Variants in FRMD4B observed in about 807,000 individuals in gnomAD.
The protein encoded by FRMD4B is FERM domain containing 4B.
In FRMD4B, 74 loss-of-function variants were observed where a neutral mutation model predicts 141.5. The observed-to-expected ratio is 0.52, with a 90% confidence interval of 0.43 to 0.63. The LOEUF (loss-of-function observed/expected upper bound fraction) is 0.63, where lower values mean the gene tolerates loss of function less well. Among genes scored for constraint, FRMD4B ranks in the 30% least tolerant of loss-of-function variants. The pLI is 0.00. For missense variants in FRMD4B, 1,366 were observed against 1,253.4 expected, an observed-to-expected ratio of 1.09 and a Z score of -1.36; for synonymous variants, 506 against 467.9, an observed-to-expected ratio of 1.08 and a Z score of -1.05.
At chr3:69,496,221 C>T (rs898467740) in intron 1 of FRMD4B, among the ~76,000 whole-genome samples, 4 of 152,244 alleles carry the variant, frequency 2.6e-5, no homozygotes, top group Admixed American at 2.0e-4. Flanking sequence ...ATCTGTCTGA[C>T]TATTTATGCA....
At position 69,218,412 on chromosome 3, in the gene FRMD4B, T is replaced by G. The variant is rs377579058; in HGVS notation, c.732-33A>C. The G allele has an allele frequency of 6.4e-4, 653 of 1,012,816 alleles. 8 individuals are homozygous for G. Among genetic ancestry groups the G allele is most frequent in the South Asian group, 3.8e-3 (265 of 69,390 alleles). 62.7% of individuals were successfully genotyped at this position (1,012,816 alleles called of 1,614,324 possible). ...AAATAAATATGTATCACAATCTTAT[T>G]AAAATAGTTAGAGGACCCTTTTGGG... On this transcript the variant is annotated intron_variant, in intron 9 of 22. Coordinates refer to ENST00000398540, the MANE Select transcript of FRMD4B (RefSeq NM_015123.3).
exon 1 of FRMD4B, chr3:69,542,579 T>A (rs1238352612): frequency 6.6e-6 from 1 of 152,448 alleles, no homozygotes; most frequent in Non-Finnish European, 1.5e-5. Context: ...CTGCCTCCTC[T>A]CGCTGTCAGC....
At chr3:69,195,617 G>A (rs189688154) in intron 14 of FRMD4B, among the ~76,000 whole-genome samples, 10 of 152,150 alleles carry the variant, frequency 6.6e-5, no homozygotes, top group Non-Finnish European at 5.9e-5. Context: ...AATGCTTAAC[G>A]TCCCAGACAC....
At chr3:69,523,309 T>G (rs1300999129) in intron 1 of FRMD4B, among the ~76,000 whole-genome samples, 1 of 152,162 alleles carries the variant, frequency 6.6e-6, no homozygotes. Flanking sequence ...CTTTAAGCCT[T>G]GAAAGCTATT....
intron 1 of FRMD4B, among the ~76,000 whole-genome samples, chr3:69,478,232 CT>C (rs1706038025): frequency 6.6e-6 from 1 of 151,996 alleles, no homozygotes; most frequent in Admixed American, 6.6e-5. Flanking sequence ...TTAGTTATTT[CT>C]TGCCTTCTGC....
chr3:69,458,898 C>T (rs927190742), intron 1 of FRMD4B, among the ~76,000 whole-genome samples: 8 of 150,188 alleles, frequency 5.3e-5, no homozygotes, highest in Non-Finnish European at 1.2e-4. Flanking sequence ...TCCAAAGACC[C>T]ACCACTTCGG....
intron 11 of FRMD4B, among the ~76,000 whole-genome samples, chr3:69,200,180 G>A (rs1458911147): frequency 1.3e-5 from 2 of 152,050 alleles, no homozygotes; most frequent in African/African-American, 4.8e-5. Flanking sequence ...GGAACAAAAT[G>A]AGCTGAAGGT....
At chr3:69,300,845 T>C (rs758297653) in intron 4 of FRMD4B, among the ~76,000 whole-genome samples, 2 of 152,110 alleles carry the variant, frequency 1.3e-5, no homozygotes, top group African/African-American at 2.4e-5. Context: ...TTCAAGCTAT[T>C]CTGCCTCAGC....
chr3:69,229,503 G>A (rs947106362), intron 7 of FRMD4B, among the ~76,000 whole-genome samples: 18 of 152,220 alleles, frequency 1.2e-4, no homozygotes, highest in African/African-American at 2.4e-4. Context: ...AGCCATCACC[G>A]ATATTTGAAG....
chr3:69,379,877 T>C (rs952543985), intron 1 of FRMD4B, among the ~76,000 whole-genome samples: 1 of 152,224 alleles, frequency 6.6e-6, no homozygotes, highest in Non-Finnish European at 1.5e-5. Flanking sequence ...CCAACAAAAC[T>C]TTATTTACAA....
At chr3:69,366,372 T>C (rs1053292655) in intron 1 of FRMD4B, among the ~76,000 whole-genome samples, 2 of 152,202 alleles carry the variant, frequency 1.3e-5, no homozygotes, top group African/African-American at 4.8e-5. Context: ...TACCATTGAA[T>C]ATACAACACT....
intron 4 of FRMD4B, among the ~76,000 whole-genome samples, chr3:69,290,193 G>A (rs1700825592): frequency 6.6e-6 from 1 of 152,210 alleles, no homozygotes; most frequent in Admixed American, 6.5e-5. Context: ...GAGGTGGCCT[G>A]GAAAGGAGCA....
chr3:69,181,231 C>G lies in FRMD4B; in HGVS notation c.2519G>C (p.Arg840Pro). The stretch of plus-strand genomic sequence containing the variant: ...CTCATATCCATAGTGGGCTGAGGAC[C>G]GGTAGGAAGGGTTGACACTATACTG... ...EGQYSVNPSY[R>P]SSAHYGYERQ... Residue 840 changes from arginine (R) to proline (P), a missense_variant, in exon 21 of 23, where the codon CGG becomes CCG. Coordinates refer to ENST00000398540, the MANE Select transcript of FRMD4B (RefSeq NM_015123.3). 2 of 1,613,812 alleles carry G rather than the reference C, an allele frequency of 1.2e-6. No individual in the cohort carries two copies. The highest frequency in any genetic ancestry group is 1.1e-5 in the South Asian group (1 of 91,062).
chr3:69,188,327 C>G lies in FRMD4B; in HGVS notation c.1772-410G>C, dbSNP rs796952513. On this transcript the variant is annotated intron_variant, in intron 18 of 22. Transcript: ENST00000398540. ...TAGGCCTCTTTGGCCAAAGGCTTATCCTGTCATTGAAAGTAAGGAAACTGA... is the reference window on the plus strand; with the variant it reads ...TAGGCCTCTTTGGCCAAAGGCTTATGCTGTCATTGAAAGTAAGGAAACTGA... 8.5e-5 allele frequency among the ~76,000 whole-genome samples: 13 copies of G among 152,318 alleles called. 1 individual carries two copies. The highest frequency in any genetic ancestry group is 3.1e-4 in the African/African-American group (13 of 41,560).
chr3:69,201,038 C>A (rs2092960949), intron 11 of FRMD4B: 1 of 277,646 alleles, frequency 3.6e-6, no homozygotes, highest in African/African-American at 2.2e-5. Flanking sequence ...AGCAAAAACT[C>A]TACTTAAAAG....
intron 2 of FRMD4B, among the ~76,000 whole-genome samples, chr3:69,396,991 A>T (rs1008200697): frequency 6.6e-6 from 1 of 152,196 alleles, no homozygotes; most frequent in African/African-American, 2.4e-5. Context: ...GAATGTTAGC[A>T]ATAAAAAGGA....
intron 1 of FRMD4B, among the ~76,000 whole-genome samples, chr3:69,448,290 A>G (rs553933513): frequency 6.6e-6 from 1 of 152,316 alleles, no homozygotes; most frequent in East Asian, 1.9e-4. Flanking sequence ...TCGGCCTCCC[A>G]AAGTGCTGGG....
chr3:69,508,677 GAAGAAATCA>G (rs1299178438), intron 1 of FRMD4B, among the ~76,000 whole-genome samples: 1 of 152,208 alleles, frequency 6.6e-6, no homozygotes, highest in Non-Finnish European at 1.5e-5. Context: ...ATGGGCCAAA[GAAGAAATCA>G]CAAGGGAAAT....
intron 1 of FRMD4B, among the ~76,000 whole-genome samples, chr3:69,453,198 G>T (rs1287192506): frequency 6.6e-6 from 1 of 152,178 alleles, no homozygotes; most frequent in African/African-American, 2.4e-5. Context: ...GCCATTAAAA[G>T]ACCTGATTTG....
Sources: allele counts gnomAD v4.1 joint callset (sites outside exome capture counted in the v4.1 genomes callset), GRCh38; gene constraint gnomAD v4.1.1; transcripts MANE v1.5; gene names NCBI Gene and HGNC (gene_info 2026-07-23, HGNC 2026-07-21).